Variants in PHACTR1 observed in about 807,000 individuals in gnomAD.
PHACTR1 encodes the protein RPEL repeat containing 1.
In PHACTR1, 16 loss-of-function variants were observed where a neutral mutation model predicts 69.2. The ratio of observed to expected loss-of-function variants is 0.23; its 90% CI spans 0.16 to 0.35. The LOEUF is 0.35. Ranked by LOEUF, PHACTR1 falls within the 10% of genes least tolerant of loss-of-function variation. The pLI is 1.00. For missense variants in PHACTR1, 510 were observed against 734.7 expected (o/e 0.69, Z 3.54); for synonymous variants, 312 against 284.5 (o/e 1.10, Z -0.97).
chr6:13,206,185 G>A, intron 8 of PHACTR1, 49 bp downstream of exon 8: 1 of 1,479,312 alleles, frequency 6.8e-7, no homozygotes, highest in Non-Finnish European at 9.1e-7. Context: ...GGTTGGCTGG[G>A]GAGGGGGGCC....
At chr6:12,942,834 A>G (rs13201878) in intron 4 of PHACTR1, among the ~76,000 whole-genome samples, 36,446 of 152,100 alleles carry the variant, frequency 0.24, 4,655 homozygotes, top group Middle Eastern at 0.34. Context: ...ATGCTGATAC[A>G]AGCACACATA....
intron 4 of PHACTR1, among the ~76,000 whole-genome samples, chr6:12,867,997 T>C (rs186626149): frequency 1.1e-4 from 17 of 152,302 alleles, no homozygotes; most frequent in East Asian, 3.9e-4. Flanking sequence ...CGGTGGCTCA[T>C]GCCTGTAATC....
At chr6:12,847,004 A>T (rs1779350824) in intron 4 of PHACTR1, among the ~76,000 whole-genome samples, 1 of 150,986 alleles carries the variant, frequency 6.6e-6, no homozygotes, top group Non-Finnish European at 1.5e-5. Context: ...TTTTGTAGAG[A>T]TGGAGTTTCG....
chr6:12,820,056 T>G (rs1470835036), intron 4 of PHACTR1, among the ~76,000 whole-genome samples: 1 of 152,202 alleles, frequency 6.6e-6, no homozygotes. Flanking sequence ...AACTGAGAAC[T>G]TAACGATTTG....
At chr6:12,897,531 C>T (rs1053884148) in intron 4 of PHACTR1, among the ~76,000 whole-genome samples, 13 of 152,072 alleles carry the variant, frequency 8.5e-5, no homozygotes, top group Non-Finnish European at 7.4e-5. Context: ...CACCCTAACT[C>T]CCCCTACTCT....
intron 4 of PHACTR1, among the ~76,000 whole-genome samples, chr6:12,902,389 C>G (rs1785299490): frequency 6.6e-6 from 1 of 152,178 alleles, no homozygotes; most frequent in East Asian, 1.9e-4. Context: ...CACAACTGCA[C>G]TCCAGCCTGG....
rs947959973 is a variant in PHACTR1, at chr6:13,126,349, ATTTAC to A, written c.416-33852_416-33848del. The stretch of plus-strand genomic sequence containing the variant: ...AAAGGAAGGAAGAAAGAATTTCACT[ATTTAC>A]TTCTTAAAATTTGCAAGAAGGACAA... On this transcript the variant is annotated intron_variant, in intron 5 of 14. Transcript: ENST00000332995. Among the ~76,000 whole-genome samples, 28 of 152,332 alleles carry A rather than the reference ATTTAC, an allele frequency of 1.8e-4. No individual in the cohort carries two copies. In the East Asian group the frequency reaches 3.9e-3, roughly 21 times the overall value.
intron 4 of PHACTR1, among the ~76,000 whole-genome samples, chr6:12,859,314 A>G (rs1780708459): frequency 6.6e-6 from 1 of 152,190 alleles, no homozygotes; most frequent in African/African-American, 2.4e-5. Context: ...TATAACCATA[A>G]AAGAGCTGGT....
chr6:12,997,826 G>A (rs1797613159), intron 4 of PHACTR1, among the ~76,000 whole-genome samples: 1 of 152,038 alleles, frequency 6.6e-6, no homozygotes, highest in Non-Finnish European at 1.5e-5. Flanking sequence ...GGTGGCGGGC[G>A]CCTGTAGTCC....
rs572374268 is a variant in PHACTR1, at chr6:13,270,098, C to A, written c.1392-2762C>A. The stretch of plus-strand genomic sequence containing the variant: ...TCATAGGTTGTCACCTATATTATGA[C>A]CCACTAGCTGTAAACTGGGGTTCTC... On this transcript the variant is annotated intron_variant, in intron 10 of 14. Transcript: ENST00000332995. Among the ~76,000 whole-genome samples the A allele has an allele frequency of 3.9e-5, 6 of 152,344 alleles. No homozygotes were observed. The East Asian group carries it at 1.2e-3, about 29-fold the overall frequency.
At chr6:13,252,705 G>T (rs1040843394) in intron 10 of PHACTR1, among the ~76,000 whole-genome samples, 2 of 151,958 alleles carry the variant, frequency 1.3e-5, no homozygotes, top group Non-Finnish European at 2.9e-5. Flanking sequence ...AAAGAGTATC[G>T]GCCGCAGGAA....
At chr6:13,244,025 G>A (rs1773228592) in intron 10 of PHACTR1, among the ~76,000 whole-genome samples, 1 of 152,126 alleles carries the variant, frequency 6.6e-6, no homozygotes, top group Admixed American at 6.5e-5. Flanking sequence ...CAGGGGACCT[G>A]CCCCGATAAT....
intron 4 of PHACTR1, chr6:12,933,686 A>G (rs2077985714): frequency 6.2e-7 from 1 of 1,612,684 alleles, no homozygotes. Context: ...AGCAGTGCCA[A>G]CTCTTGGGCG....
At chr6:12,807,693 T>C (rs1026874604) in intron 4 of PHACTR1, among the ~76,000 whole-genome samples, 1 of 152,224 alleles carries the variant, frequency 6.6e-6, no homozygotes, top group Admixed American at 6.5e-5. Flanking sequence ...TAAATTGTCC[T>C]TCCTTTGTGA....
At position 12,823,442 on chromosome 6, in the gene PHACTR1, C is replaced by G. The variant is rs1213867816; in HGVS notation, c.250+73652C>G. Reference sequence around the variant, plus strand: ...AAATGTTCCAATAGTTCAAAAAAATCAATAAGACTCGTGGAATTTTTTGAG... The same window carrying G: ...AAATGTTCCAATAGTTCAAAAAAATGAATAAGACTCGTGGAATTTTTTGAG... On this transcript the variant is annotated intron_variant, in intron 4 of 14. Transcript: ENST00000332995. Among the ~76,000 whole-genome samples the G allele has an allele frequency of 2.0e-5, 3 of 152,054 alleles. No individual in the cohort carries two copies. The East Asian group carries it at 5.8e-4, about 29-fold the overall frequency.
chr6:13,037,299 C>T (rs1803454551), intron 4 of PHACTR1, among the ~76,000 whole-genome samples: 1 of 152,124 alleles, frequency 6.6e-6, no homozygotes, highest in South Asian at 2.1e-4. Context: ...AGCCTCACTA[C>T]CTACAGGCAC....
In PHACTR1 at chr6:12,931,908, A is replaced by T. The variant is rs145033375; in HGVS notation, c.251-121457A>T. 2.1e-3 allele frequency among the ~76,000 whole-genome samples: 326 copies of T among 151,910 alleles called. 1 individual carries two copies. Among genetic ancestry groups the T allele is most frequent in the Middle Eastern group, 0.014 (4 of 292 alleles). ...ACTCAGATTTCACTCAGATAGTAAGAGTCTTCCACTCTCAGCATCTCTTCC... is the reference window on the plus strand; with the variant it reads ...ACTCAGATTTCACTCAGATAGTAAGTGTCTTCCACTCTCAGCATCTCTTCC... On this transcript the variant is annotated intron_variant, in intron 4 of 14. Transcript: ENST00000332995.
intron 4 of PHACTR1, among the ~76,000 whole-genome samples, chr6:12,956,086 G>A (rs1051859087): frequency 5.3e-5 from 8 of 152,164 alleles, no homozygotes; most frequent in African/African-American, 1.9e-4. Context: ...ATTATGGGCT[G>A]GGAAGATCCA....
At chr6:12,874,945 A>G (rs184721788) in intron 4 of PHACTR1, among the ~76,000 whole-genome samples, 1 of 152,344 alleles carries the variant, frequency 6.6e-6, no homozygotes, top group East Asian at 1.9e-4. Flanking sequence ...TTCATCTGGC[A>G]GACCTTGAGT....
Sources: gnomAD v4.1 joint callset for allele counts (sites outside exome capture counted in the v4.1 genomes callset) on GRCh38, gnomAD v4.1.1 for gene constraint, MANE v1.5 for transcripts, NCBI Gene and HGNC (gene_info 2026-07-23, HGNC 2026-07-21) for gene names.